Variants in CNIH3 observed in about 807,000 individuals in gnomAD.
CNIH3 encodes protein cornichon homolog 3.
Under a neutral mutation model 24.1 loss-of-function variants are expected in CNIH3, and 14 were observed. The observed-to-expected ratio is 0.58, with a 90% CI of 0.38 to 0.91. The LOEUF (loss-of-function observed/expected upper bound fraction) is 0.91. CNIH3 is among the 40% of genes least tolerant of loss of function. The probability of loss-of-function intolerance (pLI) is 0.00; values close to 1 mark genes in which losing one functional copy is unlikely to be tolerated. For synonymous variants in CNIH3, 68 were observed against 73.8 expected, an observed-to-expected ratio of 0.92 and a Z score of 0.40; for missense variants, 178 against 196.8, an observed-to-expected ratio of 0.90 and a Z score of 0.57.
At chr1:224,440,818 G>GT (rs1207663279) in intron 1 of CNIH3, among the ~76,000 whole-genome samples, 642 of 142,618 alleles carry the variant, frequency 4.5e-3, no homozygotes, top group Admixed American at 5.4e-3. Flanking sequence ...ACAGTATTAA[G>GT]TTTTTTTTTT....
At chr1:224,440,264 C>G (rs1317229145) in intron 1 of CNIH3, among the ~76,000 whole-genome samples, 3 of 152,138 alleles carry the variant, frequency 2.0e-5, no homozygotes, top group Admixed American at 6.6e-5. Flanking sequence ...GGGTCTTGCT[C>G]TGTTGTCCAG....
chr1:224,690,827 A>G (rs1256886701), intron 3 of CNIH3, among the ~76,000 whole-genome samples: 1 of 152,046 alleles, frequency 6.6e-6, no homozygotes, highest in Non-Finnish European at 1.5e-5. Context: ...GCCTGCTGGG[A>G]AGGGGCAGGT....
chr1:224,609,974 G>T (rs1157327020), intron 3 of CNIH3, among the ~76,000 whole-genome samples: 4 of 152,132 alleles, frequency 2.6e-5, no homozygotes, highest in African/African-American at 9.7e-5. Flanking sequence ...CTTCACAATA[G>T]TGCCAAAGCG....
intron 5 of CNIH3, among the ~76,000 whole-genome samples, chr1:224,587,955 AC>A (rs1178632052): frequency 8.6e-5 from 13 of 151,592 alleles, no homozygotes; most frequent in African/African-American, 2.4e-4. Context: ...AAAAAAAAAA[AC>A]AAAACAAAAC....
At chr1:224,532,754 C>T (rs1254280639) in intron 2 of CNIH3, among the ~76,000 whole-genome samples, 1 of 152,132 alleles carries the variant, frequency 6.6e-6, no homozygotes, top group Non-Finnish European at 1.5e-5. Context: ...AGGAATAATA[C>T]CATCACCAAT....
At chr1:224,682,264 A>C (rs1686439168) in intron 2 of CNIH3, among the ~76,000 whole-genome samples, 1 of 152,212 alleles carries the variant, frequency 6.6e-6, no homozygotes, top group South Asian at 2.1e-4. Context: ...GCTATGAGAC[A>C]GGCATCATTA....
intron 1 of CNIH3, among the ~76,000 whole-genome samples, chr1:224,518,595 A>C (rs147126658): frequency 1.4e-4 from 21 of 151,780 alleles, no homozygotes; most frequent in African/African-American, 4.1e-4. Context: ...CTCCCAAAGC[A>C]CTGGGATTAC....
chr1:224,684,174 C>T lies in CNIH3; in HGVS notation c.151-622C>T, dbSNP rs988220274. Among the ~76,000 whole-genome samples, 4 of 152,212 alleles carry T rather than the reference C, an allele frequency of 2.6e-5. No homozygotes were observed. The highest frequency in any genetic ancestry group is 1.5e-5 in the Non-Finnish European group (1 of 68,034). ...TTAGTGCACGATGCGGGCATCATCA[C>T]CTGCCCAGCCACGGGCCATCATCTC... On this transcript the variant is annotated intron_variant, in intron 2 of 5. Transcript: ENST00000272133. This position sits in a 1 kb window ranked among gnomAD's most constrained non-coding sequence, Gnocchi z 4.2.
chr1:224,561,617 C>T (rs999415637), intron 3 of CNIH3, among the ~76,000 whole-genome samples: 12 of 152,188 alleles, frequency 7.9e-5, no homozygotes, highest in Admixed American at 5.2e-4. Flanking sequence ...GTCAGCCAAA[C>T]GAGACTTTCT....
In CNIH3 at chr1:224,616,840, G is replaced by C; in HGVS notation, c.-335G>C. ...GTGGAGTCGTCGCATCGCTTGTCGT[G>C]TTGGTCTCGAGGGGCTCACAGCTTG... On this transcript the variant is annotated 5_prime_UTR_variant, in exon 1 of 6. Transcript: ENST00000272133. 8.8e-7 allele frequency: 1 copy of C among 1,137,092 alleles called. No homozygotes were observed. Among genetic ancestry groups the C allele is most frequent in the Admixed American group, 4.4e-5 (1 of 22,478 alleles). 70.4% of individuals were successfully genotyped at this position (1,137,092 alleles called of 1,614,324 possible).
intron 1 of CNIH3, among the ~76,000 whole-genome samples, chr1:224,456,652 C>A (rs372897137): frequency 5.3e-5 from 8 of 152,246 alleles, no homozygotes; most frequent in African/African-American, 1.9e-4. Flanking sequence ...CTCATGAGAT[C>A]CTCCCACCTC....
intron 1 of CNIH3, among the ~76,000 whole-genome samples, chr1:224,449,248 G>A (rs1245850153): frequency 6.6e-6 from 1 of 152,070 alleles, no homozygotes; most frequent in Non-Finnish European, 1.5e-5. Context: ...ACAGGTGTGA[G>A]CCACCGCACC....
At chr1:224,550,742 G>A (rs1429049186) in intron 3 of CNIH3, among the ~76,000 whole-genome samples, 1 of 152,024 alleles carries the variant, frequency 6.6e-6, no homozygotes, top group East Asian at 1.9e-4. Flanking sequence ...TAGGGTACAT[G>A]TGCACAATGT....
chr1:224,634,714 A>G (rs997227872), intron 1 of CNIH3, among the ~76,000 whole-genome samples: 14 of 152,096 alleles, frequency 9.2e-5, no homozygotes, highest in Non-Finnish European at 1.9e-4. Flanking sequence ...CATGGAGCAT[A>G]AGCCCTTGCC....
intron 1 of CNIH3, among the ~76,000 whole-genome samples, chr1:224,653,244 G>GTTGGTCTCT (rs1684945054): frequency 6.6e-6 from 1 of 152,052 alleles, no homozygotes; most frequent in East Asian, 1.9e-4. Context: ...CCAACATGGT[G>GTTGGTCTCT]AAACCCCATC....
In CNIH3 at chr1:224,604,677, A is replaced by G. The variant is rs981748355; in HGVS notation, n.402+38413A>G. 1.3e-5 allele frequency among the ~76,000 whole-genome samples: 2 copies of G among 152,142 alleles called. No homozygotes were observed. Among genetic ancestry groups the G allele is most frequent in the Non-Finnish European group, 2.9e-5 (2 of 68,018 alleles). ...AACAAGGACCAGTCCAGCTGGTGAA[A>G]CTGATGTAGGAATTTTCTTCTCGGT... On this transcript the variant is annotated intron_variant and non_coding_transcript_variant, in intron 3 of 7. Transcript: ENST00000478120. This position sits in a 1 kb window ranked among gnomAD's most constrained non-coding sequence, Gnocchi z 4.4.
upstream of CNIH3, chr1:224,615,982 G>A (rs549364525): frequency 2.2e-4 from 34 of 152,654 alleles, no homozygotes; most frequent in African/African-American, 7.9e-4. Context: ...GCGGCGTTTA[G>A]GCGCGAGGCA....
chr1:224,649,130 GT>G (rs1684753502), intron 1 of CNIH3, among the ~76,000 whole-genome samples: 1 of 152,320 alleles, frequency 6.6e-6, no homozygotes, highest in South Asian at 2.1e-4. Context: ...CATCTGGAAA[GT>G]CCCTTCTGCC....
At chr1:224,441,301 A>C (rs1243952519) in intron 1 of CNIH3, among the ~76,000 whole-genome samples, 1 of 152,218 alleles carries the variant, frequency 6.6e-6, no homozygotes, top group East Asian at 1.9e-4. Context: ...TATATTTGAC[A>C]GTAAGTATTT....
Sources: gnomAD v4.1 joint callset for allele counts (sites outside exome capture counted in the v4.1 genomes callset) on GRCh38, gnomAD v4.1.1 for gene constraint, Gnocchi (gnomAD v3.1) non-coding constraint, MANE v1.5 for transcripts, NCBI Gene and HGNC (gene_info 2026-07-23, HGNC 2026-07-21) for gene names.